The following PHLDB2 variants were observed in gnomAD, a reference collection of about 807,000 sequenced individuals.
PHLDB2 encodes pleckstrin homology-like domain family B member 2.
PHLDB2 carries 71 observed loss-of-function variants against 123.6 expected under a neutral mutation model. The ratio of observed to expected loss-of-function variants is 0.57; its 90% CI spans 0.47 to 0.70. The LOEUF (loss-of-function observed/expected upper bound fraction) is 0.70. Ranked by LOEUF, PHLDB2 falls within the 30% of genes least tolerant of loss-of-function variation. The probability of loss-of-function intolerance (pLI) is 0.00; values close to 1 mark genes in which losing one functional copy is unlikely to be tolerated. For missense variants in PHLDB2, 1,446 were observed against 1,519.5 expected (o/e 0.95, Z 0.80); for synonymous variants, 547 against 541.6 (o/e 1.01, Z -0.14).
chr3:111,910,236 G>A (rs1453562102), intron 2 of PHLDB2, among the ~76,000 whole-genome samples: 1 of 152,080 alleles, frequency 6.6e-6, no homozygotes. Context: ...TTTGATATAT[G>A]TGGGAGATCA....
At chr3:111,828,251 C>T (rs973683060) in intron 1 of PHLDB2, among the ~76,000 whole-genome samples, 2 of 152,146 alleles carry the variant, frequency 1.3e-5, no homozygotes, top group Non-Finnish European at 2.9e-5. Context: ...AACTGAAGTC[C>T]AACTGCTTTG....
chr3:111,761,995 A>G (rs1033499789), intron 1 of PHLDB2, among the ~76,000 whole-genome samples: 1 of 152,214 alleles, frequency 6.6e-6, no homozygotes, highest in African/African-American at 2.4e-5. Flanking sequence ...GGGCACTGCT[A>G]AAAGAGAGGA....
At chr3:111,825,825 T>G (rs1267643017) in intron 1 of PHLDB2, among the ~76,000 whole-genome samples, 1 of 152,132 alleles carries the variant, frequency 6.6e-6, no homozygotes, top group Non-Finnish European at 1.5e-5. Context: ...ATCTTCTTAA[T>G]TTTTGGCTCA....
chr3:111,962,054 G>C (rs1451955179), intron 12 of PHLDB2, 54 bp from the exon 13 acceptor site: 2 of 1,518,864 alleles, frequency 1.3e-6, no homozygotes, highest in Non-Finnish European at 1.8e-6. Flanking sequence ...AGATGTTTAA[G>C]ATTCAAAGAC....
Position 111,943,068 on chromosome 3 carries a change from G to A in PHLDB2, c.2398-2200G>A, listed in dbSNP as rs181251089. Among the ~76,000 whole-genome samples, 843 of 152,168 alleles carry A rather than the reference G, an allele frequency of 5.5e-3. 8 individuals carry two copies. Among genetic ancestry groups the A allele is most frequent in the Middle Eastern group, 0.01 (3 of 294 alleles). ...CCAATAATCAACTGCATATGAAAATGCAAAGAGCCTAGAACAGCCAAAACA... is the reference window on the plus strand; with the variant it reads ...CCAATAATCAACTGCATATGAAAATACAAAGAGCCTAGAACAGCCAAAACA... On this transcript the variant is annotated intron_variant, in intron 8 of 17. Transcript: ENST00000431670.
At chr3:111,970,246 T>C (rs921770219) in intron 16 of PHLDB2, among the ~76,000 whole-genome samples, 1 of 152,176 alleles carries the variant, frequency 6.6e-6, no homozygotes, top group African/African-American at 2.4e-5. Context: ...TTTAATCCAT[T>C]CTTTATTTAG....
At chr3:111,754,429 A>C (rs2059845157) in intron 1 of PHLDB2, among the ~76,000 whole-genome samples, 5 of 99,388 alleles carry the variant, frequency 5.0e-5, no homozygotes, top group African/African-American at 1.4e-4. Flanking sequence ...ATGGGAGTTC[A>C]CTCATGATTT....
chr3:111,739,026 G>C (rs1269078938), intron 1 of PHLDB2, among the ~76,000 whole-genome samples: 1 of 152,142 alleles, frequency 6.6e-6, no homozygotes, highest in African/African-American at 2.4e-5. Flanking sequence ...TTTCAAAATG[G>C]AGGCAGGGGA....
chr3:111,819,945 A>C (rs1394310969), intron 1 of PHLDB2, among the ~76,000 whole-genome samples: 1 of 152,222 alleles, frequency 6.6e-6, no homozygotes, highest in African/African-American at 2.4e-5. Flanking sequence ...GCATGGTATG[A>C]AATGTCTTGC....
intron 1 of PHLDB2, among the ~76,000 whole-genome samples, chr3:111,864,161 GCCCTTTTAAGGGATCTGC>G (rs2064961120): frequency 6.6e-6 from 1 of 152,150 alleles, no homozygotes; most frequent in Non-Finnish European, 1.5e-5. Context: ...AAGAGTGATA[GCCCTTTTAAGGGATCTGC>G]CCCCCCGCAG....
At chr3:111,735,042 A>T (rs6438003) in intron 1 of PHLDB2, among the ~76,000 whole-genome samples, 3 of 152,020 alleles carry the variant, frequency 2.0e-5, no homozygotes, top group Non-Finnish European at 4.4e-5. Context: ...CCTCAGGCTA[A>T]ATCTTTGTCC....
intron 16 of PHLDB2, among the ~76,000 whole-genome samples, chr3:111,971,033 G>C (rs1165319974): frequency 1.3e-5 from 2 of 152,142 alleles, no homozygotes; most frequent in Non-Finnish European, 2.9e-5. Flanking sequence ...TGAGGTTCCA[G>C]TTACTGGAGA....
intron 1 of PHLDB2, among the ~76,000 whole-genome samples, chr3:111,826,693 C>T (rs1029089513): frequency 3.9e-5 from 6 of 152,110 alleles, no homozygotes; most frequent in African/African-American, 1.4e-4. Context: ...TGCTCCACGG[C>T]CAGGGTAGGA....
In PHLDB2 at chr3:111,919,270, T is replaced by C. The variant is rs1025852594; in HGVS notation, c.1863+55T>C. 2.5e-6 allele frequency: 4 copies of C among 1,583,378 alleles called. No individual in the cohort carries two copies. In the Admixed American group the frequency reaches 6.7e-5, roughly 27 times the overall value. ...TTTCTTTCCTTCAGCTTAAAAATAT[T>C]GCTACTTATTCAGGAATAGGCTTTG... On this transcript the variant is annotated intron_variant, in intron 4 of 17. Coordinates refer to ENST00000431670, the MANE Select transcript of PHLDB2 (RefSeq NM_001134438.2).
rs552183235 is a variant in PHLDB2 at position 111,925,350 on chromosome 3, C to T, written c.2001+4931C>T. The stretch of plus-strand genomic sequence containing the variant: ...TGAACATTTTTGCAGCAGTTTCCTG[C>T]ACTGGCCTTTTATTACCCTTAGGGG... On this transcript the variant is annotated intron_variant, in intron 5 of 17. Transcript: ENST00000431670. Among the ~76,000 whole-genome samples, 3 of 152,288 alleles carry T rather than the reference C, an allele frequency of 2.0e-5. No individual in the cohort carries two copies. The South Asian group carries it at 6.2e-4, about 32-fold the overall frequency.
chr3:111,808,870 G>A (rs1039513981), intron 1 of PHLDB2, among the ~76,000 whole-genome samples: 5 of 152,090 alleles, frequency 3.3e-5, no homozygotes, highest in Non-Finnish European at 7.4e-5. Flanking sequence ...ATAATAAAGA[G>A]CAAATTCTTT....
intron 1 of PHLDB2, among the ~76,000 whole-genome samples, chr3:111,883,358 G>A (rs760297448): frequency 2.6e-5 from 4 of 152,174 alleles, no homozygotes; most frequent in Non-Finnish European, 5.9e-5. Context: ...TTGCAAGGAT[G>A]AGCATAGTGC....
intron 16 of PHLDB2, among the ~76,000 whole-genome samples, chr3:111,972,577 A>G (rs1016613019): frequency 3.3e-4 from 34 of 102,304 alleles, no homozygotes; most frequent in African/African-American, 8.8e-4. Context: ...TCACTTCTAT[A>G]TATGTTTCAG....
chr3:111,735,969 A>G (rs1941674547), intron 1 of PHLDB2, among the ~76,000 whole-genome samples: 1 of 152,226 alleles, frequency 6.6e-6, no homozygotes, highest in African/African-American at 2.4e-5. Flanking sequence ...CTAAATGTAG[A>G]AGAGTAAAAA....
Sources: gnomAD v4.1 joint callset for allele counts (sites outside exome capture counted in the v4.1 genomes callset) on GRCh38, gnomAD v4.1.1 for gene constraint, MANE v1.5 for transcripts, NCBI Gene and HGNC (gene_info 2026-07-23, HGNC 2026-07-21) for gene names.